CPB1: variants seen among roughly 807,000 people sequenced by gnomAD.
The protein encoded by CPB1 is carboxypeptidase B.
A neutral mutation model predicts 51.4 loss-of-function variants in CPB1; 53 were observed. The observed-to-expected ratio is 1.03, with a 90% CI of 0.83 to 1.30. The LOEUF is 1.30. Among genes scored for constraint, CPB1 ranks in the 50% most tolerant of loss-of-function variants. CPB1 has a pLI of 0.00. For missense variants in CPB1, 494 were observed against 516.2 expected (o/e 0.96, Z 0.42); for synonymous variants, 189 against 186.9 (o/e 1.01, Z -0.09).
chr3:148,827,939 C>T (rs1402533756), intron 1 of CPB1, 45 bp downstream of exon 1: 1 of 1,610,870 alleles, frequency 6.2e-7, no homozygotes, highest in Non-Finnish European at 8.5e-7. Flanking sequence ...TCCTTGCTAG[C>T]CCCCAAATTT....
Position 148,840,709 on chromosome 3 carries a change from A to G in CPB1, c.296A>G (p.Asn99Ser). 1 of 1,614,184 alleles carries G rather than the reference A, an allele frequency of 6.2e-7. No homozygotes were observed. Among genetic ancestry groups the G allele is most frequent in the Non-Finnish European group, 8.5e-7 (1 of 1,180,010 alleles). ...QYKVLISNLR[N>S]VVEAQFDSRV... is the part of the protein sequence containing the mutation. ...AGGGTACTGATAAGCAACCTGAGAA[A>G]TGTGGTGGAGGCTCAGTTTGATAGC... Residue 99 changes from asparagine to serine, a missense_variant, in exon 4 of 11, where the codon AAT becomes AGT. Transcript: ENST00000282957.
intron 9 of CPB1, chr3:148,855,540 GT>G (rs1713548565): frequency 6.6e-6 from 1 of 152,104 alleles, no homozygotes; most frequent in African/African-American, 2.4e-5. Context: ...GCCCCCTTTG[GT>G]TTTGTCTGAA....
At chr3:148,842,892 C>G (rs553324487) in intron 6 of CPB1, among the ~76,000 whole-genome samples, 15 of 152,302 alleles carry the variant, frequency 9.8e-5, no homozygotes, top group African/African-American at 2.4e-4. Flanking sequence ...AAAGACATAT[C>G]ACCTTTGTGA....
At chr3:148,839,626 A>C (rs1057020998) in intron 3 of CPB1, among the ~76,000 whole-genome samples, 5 of 152,272 alleles carry the variant, frequency 3.3e-5, no homozygotes, top group South Asian at 2.1e-4. Flanking sequence ...AAACAGACAC[A>C]AGTTCGTACC....
Position 148,859,848 on chromosome 3 carries a change from A to G in CPB1, c.1100A>G (p.Tyr367Cys). ...PAAGGSDDWA[Y>C]DQGIRYSFTF... ...GCTGGGGGCTCTGACGACTGGGCTT[A>G]TGACCAAGGAATCAGATATTCCTTC... The change falls in exon 11 of 11, where the codon TAT becomes TGT. Residue 367 changes from tyrosine (Y) to cysteine (C), a missense_variant. By Grantham distance (194) the Tyr-to-Cys change is radical. Coordinates refer to ENST00000282957, the MANE Select transcript of CPB1 (RefSeq NM_001871.3). 6.2e-7 allele frequency: 1 copy of G among 1,614,062 alleles called. No homozygotes were observed. Among genetic ancestry groups the G allele is most frequent in the Non-Finnish European group, 8.5e-7 (1 of 1,179,962 alleles).
intron 3 of CPB1, among the ~76,000 whole-genome samples, chr3:148,839,988 A>T (rs1459684676): frequency 6.6e-6 from 1 of 152,140 alleles, no homozygotes; most frequent in Non-Finnish European, 1.5e-5. Flanking sequence ...AGAAACTATC[A>T]CCTGGACAAT....
intron 2 of CPB1, among the ~76,000 whole-genome samples, chr3:148,833,751 A>C (rs1489431069): frequency 6.6e-6 from 1 of 152,088 alleles, no homozygotes; most frequent in Non-Finnish European, 1.5e-5. Context: ...AAAAAAAAAA[A>C]AACAGCTATT....
At chr3:148,847,287 T>C (rs1057289447) in intron 9 of CPB1, among the ~76,000 whole-genome samples, 9 of 150,718 alleles carry the variant, frequency 6.0e-5, no homozygotes, top group African/African-American at 2.2e-4. Flanking sequence ...TTAAGCCCTT[T>C]TAGTGATGAG....
chr3:148,859,889 G>A lies in CPB1; in HGVS notation c.1141G>A (p.Asp381Asn). 6.2e-7 allele frequency: 1 copy of A among 1,614,104 alleles called. No homozygotes were observed. Among genetic ancestry groups the A allele is most frequent in the Non-Finnish European group, 8.5e-7 (1 of 1,180,002 alleles). Residue 381 changes from aspartate (D) to asparagine (N), a missense_variant, in exon 11 of 11, where the codon GAT becomes AAT. By Grantham distance (23) the Asp-to-Asn change is conservative. Coordinates refer to ENST00000282957, the MANE Select transcript of CPB1 (RefSeq NM_001871.3). ...IRYSFTFELRDTGRYGFLLPE... is the reference protein window; with the variant it reads ...IRYSFTFELRNTGRYGFLLPE... ...ATATTCCTTCACCTTTGAACTTCGA[G>A]ATACAGGCAGATATGGCTTTCTCCT...
rs1713213036 is a variant in CPB1, at chr3:148,845,593, T to C, written c.948T>C (p.Tyr316=). 2 of 1,613,904 alleles carry C rather than the reference T, an allele frequency of 1.2e-6. No individual in the cohort carries two copies. Among genetic ancestry groups the C allele is most frequent in the African/African-American group, 1.3e-5 (1 of 75,038 alleles). ...YSQMMIYPYS[Y]AYKLGENNAE... is the part of the protein sequence containing the mutation. ...AAATGATGATCTACCCTTACTCATA[T>C]GCTTACAAACTCGGTGAGAACAATG... Residue 316 remains tyrosine (Y), a synonymous_variant, in exon 9 of 11, where the codon TAT becomes TAC. Coordinates refer to ENST00000282957, the MANE Select transcript of CPB1 (RefSeq NM_001871.3).
At position 148,859,864 on chromosome 3, in the gene CPB1, A is replaced by G. The variant is rs779589567; in HGVS notation, c.1116A>G (p.Arg372=). ...SDDWAYDQGI[R]YSFTFELRDT... is the part of the protein sequence containing the mutation. ...ACTGGGCTTATGACCAAGGAATCAG[A>G]TATTCCTTCACCTTTGAACTTCGAG... Residue 372 remains arginine, a synonymous_variant, in exon 11 of 11, where the codon AGA becomes AGG. Transcript: ENST00000282957. The G allele has an allele frequency of 3.1e-6, 5 of 1,613,972 alleles. No homozygotes were observed. The highest frequency in any genetic ancestry group is 1.1e-5 in the South Asian group (1 of 91,078).
intron 9 of CPB1, among the ~76,000 whole-genome samples, chr3:148,850,097 G>T (rs1191742158): frequency 6.6e-6 from 1 of 152,224 alleles, no homozygotes; most frequent in Non-Finnish European, 1.5e-5. Flanking sequence ...TAGTCTTTAT[G>T]ATTCTGGCCC....
chr3:148,857,062 G>GTTTTTTTGTTTTTTTTTTTTTTTTTT (rs750155151), intron 9 of CPB1: 1 of 48,186 alleles, frequency 2.1e-5, no homozygotes, highest in African/African-American at 9.8e-5. Context: ...ATTGCCAAGT[G>GTTTTTTTGTTTTTTTTTTTTTTTTTT]TTTTTTTTTT....
chr3:148,850,394 C>T (rs1049738360), intron 9 of CPB1, among the ~76,000 whole-genome samples: 6 of 152,080 alleles, frequency 3.9e-5, no homozygotes, highest in Admixed American at 2.0e-4. Context: ...CTCCACCTCC[C>T]GGGTTCATGC....
chr3:148,846,815 A>C (rs373224620), intron 9 of CPB1, among the ~76,000 whole-genome samples: 1 of 100,712 alleles, frequency 9.9e-6, no homozygotes, highest in African/African-American at 4.1e-5. Flanking sequence ...ATATATATAT[A>C]TATATATATA....
intron 9 of CPB1, chr3:148,854,900 A>C (rs1204938367): frequency 6.6e-6 from 1 of 152,210 alleles, no homozygotes; most frequent in African/African-American, 2.4e-5. Flanking sequence ...AGAAGATAAC[A>C]CTAAAACTGA....
chr3:148,834,412 T>C, intron 2 of CPB1, 86 bp from the exon 3 acceptor site: 1 of 1,245,068 alleles, frequency 8.0e-7, no homozygotes. Context: ...TGAAAATAAC[T>C]CAATTCAGTA....
intron 9 of CPB1, 55 bp downstream of exon 9, chr3:148,845,681 A>T: frequency 2.2e-6 from 3 of 1,382,286 alleles, no homozygotes; most frequent in Non-Finnish European, 3.0e-6. Context: ...TTTAAATTCT[A>T]ATCCTGAAAA....
Position 148,859,807 on chromosome 3 carries a change from C to A in CPB1, c.1067-8C>A. The A allele has an allele frequency of 6.2e-7, 1 of 1,603,674 alleles. No homozygotes were observed. Among genetic ancestry groups the A allele is most frequent in the Non-Finnish European group, 8.5e-7 (1 of 1,174,412 alleles). ...AAGTTTTTTTTCACTGCTGTTTGCA[C>A]ATTTCAGATCCTGCTGCTGGGGGCT... is the stretch of plus-strand genomic sequence containing the variant. On this transcript the variant is annotated splice_region_variant and splice_polypyrimidine_tract_variant and intron_variant, in intron 10 of 10. Coordinates refer to ENST00000282957, the MANE Select transcript of CPB1 (RefSeq NM_001871.3).
Sources: allele counts gnomAD v4.1 joint callset (sites outside exome capture counted in the v4.1 genomes callset), GRCh38; gene constraint gnomAD v4.1.1; transcripts MANE v1.5; gene names NCBI Gene and HGNC (gene_info 2026-07-23, HGNC 2026-07-21).